PDSS2: variants seen among roughly 807,000 people sequenced by gnomAD.
PDSS2 encodes the protein all trans-polyprenyl-diphosphate synthase PDSS2.
A neutral mutation model predicts 44.5 loss-of-function variants in PDSS2; 31 were observed. That is an observed-to-expected ratio of 0.70 (90% CI 0.52 to 0.94). The LOEUF (loss-of-function observed/expected upper bound fraction) is 0.94, where lower values mean the gene tolerates loss of function less well. Ranked by LOEUF, PDSS2 falls within the 40% of genes least tolerant of loss-of-function variation. The pLI is 0.00. For missense variants in PDSS2, 452 were observed against 482.2 expected, an observed-to-expected ratio of 0.94 and a Z score of 0.59; for synonymous variants, 157 against 180.3, an observed-to-expected ratio of 0.87 and a Z score of 1.03.
intron 3 of PDSS2, among the ~76,000 whole-genome samples, chr6:107,253,181 G>A (rs1480956265): frequency 2.6e-5 from 4 of 152,188 alleles, no homozygotes; most frequent in South Asian, 2.1e-4. Flanking sequence ...GATTACAGGC[G>A]TGCGCCACCA....
At chr6:107,224,951 T>C (rs548379193) in intron 4 of PDSS2, among the ~76,000 whole-genome samples, 1 of 149,914 alleles carries the variant, frequency 6.7e-6, no homozygotes, top group African/African-American at 2.5e-5. Flanking sequence ...TGGCCACGGC[T>C]ACAGTCATAT....
At position 107,334,318 on chromosome 6, in the gene PDSS2, T is replaced by TCATGTACAAGCCCC; in HGVS notation, c.297_310dup (p.Asp104GlyfsTer13). On this transcript the variant is annotated frameshift_variant, in exon 2 of 8. Coordinates refer to ENST00000369037, the MANE Select transcript of PDSS2 (RefSeq NM_020381.4). LOFTEE classifies it high-confidence loss of function. Reference sequence around the variant, plus strand: ...CCTCAACTGGAGGCTATTCCAGCTGTCATGTACAAGCCCCCTGCCAACAAG... The same window carrying TCATGTACAAGCCCC: ...CCTCAACTGGAGGCTATTCCAGCTGTCATGTACAAGCCCCCATGTACAAGCCCCCTGCCAACAAG... 1 of 1,613,526 alleles carries TCATGTACAAGCCCC rather than the reference T, an allele frequency of 6.2e-7. No individual in the cohort carries two copies. The highest frequency in any genetic ancestry group is 8.5e-7 in the Non-Finnish European group (1 of 1,179,720).
At chr6:107,331,071 T>C (rs1322316720) in intron 2 of PDSS2, among the ~76,000 whole-genome samples, 1 of 152,090 alleles carries the variant, frequency 6.6e-6, no homozygotes, top group Admixed American at 6.5e-5. Context: ...ACAAGGTAAA[T>C]CCCAGTAGTT....
At chr6:107,156,215 C>A (rs9372150) in intron 7 of PDSS2, among the ~76,000 whole-genome samples, 82 of 38,270 alleles carry the variant, frequency 2.1e-3, no homozygotes, top group African/African-American at 4.7e-3. Flanking sequence ...TTTTTTTTTT[C>A]CTGAGATGGA....
At chr6:107,346,422 T>C (rs1486364367) in intron 1 of PDSS2, among the ~76,000 whole-genome samples, 1 of 152,238 alleles carries the variant, frequency 6.6e-6, no homozygotes, top group Admixed American at 6.5e-5. Flanking sequence ...AGGAATAATT[T>C]ATTTTTTCCA....
At chr6:107,418,162 G>A (rs928791673) in intron 1 of PDSS2, among the ~76,000 whole-genome samples, 1 of 152,132 alleles carries the variant, frequency 6.6e-6, no homozygotes, top group African/African-American at 2.4e-5. Context: ...TGTGATAAGA[G>A]GAACTCTGCA....
intron 1 of PDSS2, among the ~76,000 whole-genome samples, chr6:107,347,869 G>A (rs1778303100): frequency 6.6e-6 from 1 of 151,932 alleles, no homozygotes; most frequent in Admixed American, 6.6e-5. Flanking sequence ...TTTTTAAAAG[G>A]TAAAAAAGAG....
chr6:107,272,093 A>G (rs1775622158), intron 3 of PDSS2, among the ~76,000 whole-genome samples: 1 of 151,716 alleles, frequency 6.6e-6, no homozygotes, highest in African/African-American at 2.4e-5. Context: ...ACAAAAAAAA[A>G]AAAAAGGACA....
chr6:107,191,999 A>G (rs73523773), intron 7 of PDSS2, among the ~76,000 whole-genome samples: 7,732 of 152,260 alleles, frequency 0.051, 600 homozygotes, highest in African/African-American at 0.17. Context: ...CAGGGGCTAT[A>G]GGAACTCTAC....
chr6:107,410,009 T>G (rs764802517), intron 1 of PDSS2, among the ~76,000 whole-genome samples: 93 of 152,002 alleles, frequency 6.1e-4, no homozygotes, highest in Non-Finnish European at 1.2e-3. Flanking sequence ...GAGAAGAGTA[T>G]GAGAAAAGGT....
chr6:107,381,132 G>A (rs1583015391), intron 1 of PDSS2, among the ~76,000 whole-genome samples: 1 of 152,050 alleles, frequency 6.6e-6, no homozygotes, highest in South Asian at 2.1e-4. Flanking sequence ...TGCATCCCCA[G>A]TGCATAAAAC....
chr6:107,261,414 C>T (rs923860844), intron 3 of PDSS2, among the ~76,000 whole-genome samples: 1 of 152,136 alleles, frequency 6.6e-6, no homozygotes, highest in South Asian at 2.1e-4. Context: ...CATGTGACGT[C>T]CCTGCTCCCA....
At chr6:107,373,584 T>C (rs979340815) in intron 1 of PDSS2, among the ~76,000 whole-genome samples, 2 of 152,196 alleles carry the variant, frequency 1.3e-5, no homozygotes, top group African/African-American at 2.4e-5. Flanking sequence ...CAGCTGGGCC[T>C]ATCTACTTTT....
At position 107,207,608 on chromosome 6, in the gene PDSS2, CTTTTTTTTT is replaced by C. The variant is rs777686277; in HGVS notation, c.1008+2822_1008+2830del. Among the ~76,000 whole-genome samples, 19 of 110,392 alleles carry C rather than the reference CTTTTTTTTT, an allele frequency of 1.7e-4. No homozygotes were observed. The South Asian group carries it at 3.1e-3, about 18-fold the overall frequency. 72.4% of individuals were successfully genotyped at this position (110,392 alleles called of 152,430 possible). On this transcript the variant is annotated intron_variant, in intron 6 of 7. Coordinates refer to ENST00000369037, the MANE Select transcript of PDSS2 (RefSeq NM_020381.4). ...GATTAAAATAAACTCAGTAAAGTGT[CTTTTTTTTT>C]TTTTTTTTTTGTGAGACAGAGTCTC...
chr6:107,440,524 G>C (rs371026316), intron 1 of PDSS2, among the ~76,000 whole-genome samples: 22 of 152,308 alleles, frequency 1.4e-4, no homozygotes, highest in African/African-American at 4.8e-4. Context: ...TTTCCAACTG[G>C]GTACTGGACA....
chr6:107,423,661 T>C (rs182779871), intron 1 of PDSS2, among the ~76,000 whole-genome samples: 3 of 152,334 alleles, frequency 2.0e-5, no homozygotes, highest in Admixed American at 2.0e-4. Context: ...AGAAGTTTTT[T>C]GTTTTTGTTT....
At chr6:107,426,149 A>G (rs1410321918) in intron 1 of PDSS2, among the ~76,000 whole-genome samples, 1 of 152,080 alleles carries the variant, frequency 6.6e-6, no homozygotes, top group African/African-American at 2.4e-5. Flanking sequence ...AAATGATTTT[A>G]TGGACCAGGC....
intron 1 of PDSS2, among the ~76,000 whole-genome samples, chr6:107,453,617 T>C (rs1272543037): frequency 6.6e-6 from 1 of 152,208 alleles, no homozygotes; most frequent in African/African-American, 2.4e-5. Flanking sequence ...AATGCAGCTA[T>C]ATAGTAAGAT....
intron 1 of PDSS2, among the ~76,000 whole-genome samples, chr6:107,336,011 G>A (rs531585351): frequency 1.0e-5 from 1 of 98,404 alleles, no homozygotes; most frequent in South Asian, 3.5e-4. Context: ...TGCCCGGGGT[G>A]GGGGGGGTGG....
Sources: gnomAD v4.1 joint callset for allele counts (sites outside exome capture counted in the v4.1 genomes callset) on GRCh38, gnomAD v4.1.1 for gene constraint, MANE v1.5 for transcripts, NCBI Gene and HGNC (gene_info 2026-07-23, HGNC 2026-07-21) for gene names.